OPCML: variants seen among roughly 807,000 people sequenced by gnomAD.
OPCML encodes the protein opioid-binding protein/cell adhesion molecule.
OPCML carries 13 observed loss-of-function variants against 37.8 expected under a neutral mutation model. That is an observed-to-expected ratio of 0.34 (90% CI 0.22 to 0.55). The LOEUF is 0.55. Ranked by LOEUF, OPCML falls within the 20% of genes least tolerant of loss-of-function variation. The pLI is 0.91. For missense variants in OPCML, 341 were observed against 435.6 expected, an observed-to-expected ratio of 0.78 and a Z score of 1.93; for synonymous variants, 176 against 168.8, an observed-to-expected ratio of 1.04 and a Z score of -0.33.
intron 1 of OPCML, among the ~76,000 whole-genome samples, chr11:133,011,921 G>GCTTGGCATGGTTGC (rs1179908192): frequency 6.6e-6 from 1 of 152,232 alleles, no homozygotes; most frequent in Non-Finnish European, 1.5e-5. Flanking sequence ...TGCTGCCATT[G>GCTTGGCATGGTTGC]TAGGTCAAAA....
chr11:132,989,568 G>T (rs909254614), intron 1 of OPCML, among the ~76,000 whole-genome samples: 2 of 151,802 alleles, frequency 1.3e-5, no homozygotes, highest in East Asian at 3.9e-4. Context: ...AGGACCATGC[G>T]CTGGAGATGC....
intron 1 of OPCML, among the ~76,000 whole-genome samples, chr11:133,325,149 C>G (rs1345113664): frequency 1.3e-5 from 2 of 152,212 alleles, no homozygotes; most frequent in African/African-American, 4.8e-5. Flanking sequence ...ACTAGACTCC[C>G]TTCCTAATGG....
intron 2 of OPCML, among the ~76,000 whole-genome samples, chr11:132,673,430 C>T (rs1270105244): frequency 1.3e-5 from 2 of 151,980 alleles, no homozygotes; most frequent in African/African-American, 4.8e-5. Flanking sequence ...AAGGGAGAAA[C>T]CAAGTGAGAG....
intron 2 of OPCML, among the ~76,000 whole-genome samples, chr11:132,675,185 A>G (rs141426220): frequency 0.62 from 83,808 of 134,294 alleles, 24,872 homozygotes; most frequent in Middle Eastern, 0.69. Flanking sequence ...GTGTGTGTAT[A>G]TATATATATA....
chr11:133,442,065 CT>C (rs1946375985), intron 1 of OPCML, among the ~76,000 whole-genome samples: 1 of 152,144 alleles, frequency 6.6e-6, no homozygotes, highest in East Asian at 1.9e-4. Flanking sequence ...ATTTTGAAGC[CT>C]TACAACCAAG....
intron 1 of OPCML, among the ~76,000 whole-genome samples, chr11:133,258,302 T>A (rs1487322965): frequency 2.0e-5 from 3 of 152,174 alleles, no homozygotes; most frequent in Non-Finnish European, 4.4e-5. Flanking sequence ...GAATAGGGGA[T>A]GTCAGGAGCT....
chr11:133,006,059 G>A (rs748478611), intron 1 of OPCML: 13 of 985,232 alleles, frequency 1.3e-5, no homozygotes, highest in East Asian at 1.1e-4. Context: ...AAGGGCGACC[G>A]GGAATGGAGT....
chr11:132,666,952 G>A (rs1217137179), intron 2 of OPCML, among the ~76,000 whole-genome samples: 3 of 152,182 alleles, frequency 2.0e-5, no homozygotes, highest in African/African-American at 7.2e-5. Flanking sequence ...ATAGTGAAGG[G>A]ACCATTGCAT....
intron 2 of OPCML, among the ~76,000 whole-genome samples, chr11:132,810,529 A>G (rs1217452183): frequency 6.6e-6 from 1 of 152,090 alleles, no homozygotes; most frequent in Non-Finnish European, 1.5e-5. Flanking sequence ...CTTCTCTACT[A>G]AAAATACAAA....
intron 2 of OPCML, among the ~76,000 whole-genome samples, chr11:132,751,933 G>A (rs1004878670): frequency 6.6e-6 from 1 of 152,200 alleles, no homozygotes; most frequent in East Asian, 1.9e-4. Flanking sequence ...CAAAAGCAAA[G>A]CCCAATAACA....
intron 4 of OPCML, among the ~76,000 whole-genome samples, chr11:132,511,815 A>C (rs1052438496): frequency 1.1e-4 from 16 of 151,284 alleles, no homozygotes; most frequent in African/African-American, 3.9e-4. Flanking sequence ...AAAAACATAG[A>C]ATATAACGTT....
At chr11:132,635,853 AC>A (rs1940459629) in intron 3 of OPCML, among the ~76,000 whole-genome samples, 1 of 152,138 alleles carries the variant, frequency 6.6e-6, no homozygotes, top group African/African-American at 2.4e-5. Context: ...ATCTCCCCAA[AC>A]AGAACCAAGC....
At chr11:132,924,127 A>ATGTGTGTGTGTG (rs10686395) in intron 2 of OPCML, among the ~76,000 whole-genome samples, 9 of 149,838 alleles carry the variant, frequency 6.0e-5, no homozygotes, top group African/African-American at 2.0e-4. Flanking sequence ...AAAAAAAACT[A>ATGTGTGTGTGTG]TGTGTGTGTG....
At chr11:133,007,492 C>G (rs1030353951) in intron 1 of OPCML, 2 of 985,328 alleles carry the variant, frequency 2.0e-6, no homozygotes, top group African/African-American at 3.5e-5. Context: ...GTTAATGAAC[C>G]TGTCCTTAGA....
intron 2 of OPCML, among the ~76,000 whole-genome samples, chr11:132,788,027 C>T (rs940238738): frequency 6.6e-6 from 1 of 152,094 alleles, no homozygotes; most frequent in Non-Finnish European, 1.5e-5. Flanking sequence ...ACTACAGGCG[C>T]ACGCCACCAT....
intron 1 of OPCML, among the ~76,000 whole-genome samples, chr11:133,270,587 T>C (rs1013687783): frequency 1.8e-4 from 27 of 152,194 alleles, no homozygotes; most frequent in African/African-American, 6.5e-4. Flanking sequence ...TGCATTCCCA[T>C]AGCAATTTCT....
intron 1 of OPCML, among the ~76,000 whole-genome samples, chr11:133,043,472 C>G (rs565321032): frequency 6.6e-6 from 1 of 152,220 alleles, no homozygotes; most frequent in Non-Finnish European, 1.5e-5. Flanking sequence ...TCTTCATGAA[C>G]CACCTGCTGT....
intron 1 of OPCML, among the ~76,000 whole-genome samples, chr11:133,476,055 C>T (rs1242700507): frequency 6.6e-6 from 1 of 152,122 alleles, no homozygotes; most frequent in African/African-American, 2.4e-5. Context: ...AATCATGGCC[C>T]AGACAGGGCT....
intron 2 of OPCML, among the ~76,000 whole-genome samples, chr11:132,665,155 T>C (rs920772052): frequency 1.3e-5 from 2 of 152,190 alleles, no homozygotes; most frequent in Admixed American, 1.3e-4. Context: ...CACTAATGCC[T>C]TCAACGTGAG....
Sources: gnomAD v4.1 joint callset for allele counts (sites outside exome capture counted in the v4.1 genomes callset) on GRCh38, gnomAD v4.1.1 for gene constraint, MANE v1.5 for transcripts, NCBI Gene and HGNC (gene_info 2026-07-23, HGNC 2026-07-21) for gene names.